The following LUZP2 variants were observed in gnomAD, a reference collection of about 807,000 sequenced individuals.
The protein encoded by LUZP2 is leucine zipper protein 2.
A neutral mutation model predicts 51.6 loss-of-function variants in LUZP2; 52 were observed. The observed-to-expected ratio is 1.01, with a 90% CI of 0.81 to 1.27. The LOEUF (loss-of-function observed/expected upper bound fraction) is 1.27, where lower values mean the gene tolerates loss of function less well. LUZP2 is among the 50% of genes most tolerant of loss of function. The pLI is 0.00. For synonymous variants in LUZP2, 154 were observed against 137.3 expected (o/e 1.12, Z -0.85); for missense variants, 436 against 395.4 (o/e 1.10, Z -0.87).
chr11:24,568,223 G>A (rs1007259962), intron 1 of LUZP2, among the ~76,000 whole-genome samples: 1 of 152,050 alleles, frequency 6.6e-6, no homozygotes, highest in Non-Finnish European at 1.5e-5. Context: ...AGCTGAGTGT[G>A]ACGGTGCATG....
chr11:25,055,370 G>A (rs1858655179), intron 10 of LUZP2, among the ~76,000 whole-genome samples: 1 of 151,920 alleles, frequency 6.6e-6, no homozygotes, highest in Non-Finnish European at 1.5e-5. Context: ...TACAAGTCTT[G>A]CATTTCTTTT....
chr11:24,656,838 G>A (rs946404798), intron 1 of LUZP2, among the ~76,000 whole-genome samples: 3 of 152,106 alleles, frequency 2.0e-5, no homozygotes, highest in Admixed American at 6.6e-5. Context: ...CTCCTCAGCT[G>A]GAGAAAGTTT....
Position 24,946,246 on chromosome 11 carries a change from T to C in LUZP2, c.523-30345T>C, listed in dbSNP as rs7484131. On this transcript the variant is annotated intron_variant, in intron 7 of 11. Coordinates refer to ENST00000336930, the MANE Select transcript of LUZP2 (RefSeq NM_001009909.4). ...CATTAGCTTGCCTCTACTTTTTAGATATAAATAGTGCCAAGACAATATATT... is the reference window on the plus strand; with the variant it reads ...CATTAGCTTGCCTCTACTTTTTAGACATAAATAGTGCCAAGACAATATATT... Among the ~76,000 whole-genome samples the C allele has an allele frequency of 5.4e-3, 819 of 152,158 alleles. 10 individuals are homozygous for C. Among genetic ancestry groups the C allele is most frequent in the African/African-American group, 0.018 (743 of 41,568 alleles).
In LUZP2 at chr11:24,925,994, G is replaced by C. The variant is rs533912824; in HGVS notation, c.522+11456G>C. Among the ~76,000 whole-genome samples the C allele has an allele frequency of 8.6e-5, 13 of 151,818 alleles. No individual in the cohort carries two copies. In the South Asian group the frequency reaches 2.7e-3, roughly 32 times the overall value. Reference sequence around the variant, plus strand: ...ACTTATGAGAGAATATACGTTGTTTGGTTTCCATTCCTGAGTTACTTCACT... The same window carrying C: ...ACTTATGAGAGAATATACGTTGTTTCGTTTCCATTCCTGAGTTACTTCACT... On this transcript the variant is annotated intron_variant, in intron 7 of 11. Coordinates refer to ENST00000336930, the MANE Select transcript of LUZP2 (RefSeq NM_001009909.4).
intron 5 of LUZP2, among the ~76,000 whole-genome samples, chr11:24,868,518 T>A (rs1019347724): frequency 2.0e-5 from 3 of 152,188 alleles, no homozygotes; most frequent in African/African-American, 7.2e-5. Context: ...TGCTTGCTTT[T>A]CTCTTGTTAA....
chr11:24,583,725 A>T (rs1341412840), intron 1 of LUZP2, among the ~76,000 whole-genome samples: 2 of 144,472 alleles, frequency 1.4e-5, no homozygotes, highest in African/African-American at 2.6e-5. Context: ...TTTTTTTGAG[A>T]TGGAGTCTCG....
At chr11:24,635,779 C>A (rs1439574604) in intron 1 of LUZP2, among the ~76,000 whole-genome samples, 1 of 152,046 alleles carries the variant, frequency 6.6e-6, no homozygotes, top group Non-Finnish European at 1.5e-5. Context: ...ACATTTGAGG[C>A]CCACAGACAG....
chr11:24,629,204 A>G (rs1399410215), intron 1 of LUZP2, among the ~76,000 whole-genome samples: 2 of 151,794 alleles, frequency 1.3e-5, no homozygotes, highest in Non-Finnish European at 2.9e-5. Context: ...CATTGTACCC[A>G]TTAAATATTT....
chr11:25,078,243 A>G (rs1046183774), intron 11 of LUZP2, among the ~76,000 whole-genome samples: 6 of 152,242 alleles, frequency 3.9e-5, no homozygotes, highest in African/African-American at 1.4e-4. Context: ...ACTTAATACT[A>G]AAACGTGGAG....
At chr11:24,670,049 CTT>C (rs1856353043) in intron 1 of LUZP2, among the ~76,000 whole-genome samples, 1 of 152,090 alleles carries the variant, frequency 6.6e-6, no homozygotes, top group Middle Eastern at 3.4e-3. Context: ...CGATGAATAA[CTT>C]CAGGTAAAAA....
chr11:24,752,808 GT>G (rs1291046320), intron 4 of LUZP2, among the ~76,000 whole-genome samples: 5 of 151,960 alleles, frequency 3.3e-5, no homozygotes, highest in African/African-American at 4.8e-5. Flanking sequence ...AAGTTCCAAT[GT>G]ATTAGAAATC....
chr11:24,787,580 A>T (rs1478175211), intron 5 of LUZP2, among the ~76,000 whole-genome samples: 1 of 151,944 alleles, frequency 6.6e-6, no homozygotes, highest in Non-Finnish European at 1.5e-5. Flanking sequence ...GTAGAGTTAA[A>T]CTCAATTTCT....
intron 1 of LUZP2, among the ~76,000 whole-genome samples, chr11:24,602,229 T>A (rs1334467596): frequency 6.5e-5 from 1 of 15,286 alleles, no homozygotes; most frequent in South Asian, 3.7e-3. Flanking sequence ...TATATGTACA[T>A]ATATGTGTAT....
intron 7 of LUZP2, among the ~76,000 whole-genome samples, chr11:24,948,534 A>T (rs1854964875): frequency 6.6e-6 from 1 of 151,680 alleles, no homozygotes; most frequent in Non-Finnish European, 1.5e-5. Flanking sequence ...CTTAAAGGCA[A>T]GCCCTGGGCC....
At chr11:24,864,704 G>A (rs1851836808) in intron 5 of LUZP2, among the ~76,000 whole-genome samples, 1 of 152,126 alleles carries the variant, frequency 6.6e-6, no homozygotes, top group African/African-American at 2.4e-5. Flanking sequence ...CTAATGATGA[G>A]TTTGCTCATA....
intron 5 of LUZP2, among the ~76,000 whole-genome samples, chr11:24,792,270 C>CA (rs1436064687): frequency 1.3e-5 from 2 of 151,596 alleles, no homozygotes; most frequent in Non-Finnish European, 1.5e-5. Context: ...TACTAAAATA[C>CA]AAAAAAATTA....
intron 1 of LUZP2, among the ~76,000 whole-genome samples, chr11:24,614,832 G>A (rs1214468868): frequency 6.6e-6 from 1 of 151,758 alleles, no homozygotes; most frequent in Admixed American, 6.6e-5. Context: ...AAATCACCTT[G>A]TTAATTTGAT....
At chr11:24,858,174 T>C (rs1432085527) in intron 5 of LUZP2, among the ~76,000 whole-genome samples, 1 of 152,182 alleles carries the variant, frequency 6.6e-6, no homozygotes, top group East Asian at 1.9e-4. Context: ...GGACTCATTC[T>C]TCAGGGGTAA....
chr11:24,521,161 G>A (rs1029539623), intron 1 of LUZP2, among the ~76,000 whole-genome samples: 1 of 152,108 alleles, frequency 6.6e-6, no homozygotes, highest in African/African-American at 2.4e-5. Context: ...GACCAGCTTA[G>A]CCAACATGGT....
Sources: allele counts gnomAD v4.1 joint callset (sites outside exome capture counted in the v4.1 genomes callset), GRCh38; gene constraint gnomAD v4.1.1; transcripts MANE v1.5; gene names NCBI Gene and HGNC (gene_info 2026-07-23, HGNC 2026-07-21).